The following PLXNA2 variants were observed in gnomAD, a reference collection of about 807,000 sequenced individuals.
The protein encoded by PLXNA2 is plexin A2.
PLXNA2 carries 91 observed loss-of-function variants against 193.5 expected under a neutral mutation model. The observed-to-expected ratio is 0.47, with a 90% CI of 0.40 to 0.56. The LOEUF is 0.56. PLXNA2 is among the 20% of genes least tolerant of loss of function. The probability of loss-of-function intolerance (pLI) is 0.00; values close to 1 mark genes in which losing one functional copy is unlikely to be tolerated. For missense variants in PLXNA2, 1,995 were observed against 2,503.2 expected (o/e 0.80, Z 4.33); for synonymous variants, 997 against 1,027.3 (o/e 0.97, Z 0.56).
intron 1 of PLXNA2, among the ~76,000 whole-genome samples, chr1:208,231,148 G>A (rs996629027): frequency 2.0e-5 from 3 of 152,108 alleles, no homozygotes; most frequent in African/African-American, 4.8e-5. Flanking sequence ...GGAGAGTGAC[G>A]GGCGCAGTTT....
intron 7 of PLXNA2, 76 bp downstream of exon 7, chr1:208,096,654 C>T: frequency 1.3e-6 from 2 of 1,526,812 alleles, no homozygotes; most frequent in Non-Finnish European, 8.9e-7. Flanking sequence ...GACTGTGTGC[C>T]TAGTTCTTGT....
At chr1:208,106,990 G>C (rs1667290099) in intron 4 of PLXNA2, among the ~76,000 whole-genome samples, 1 of 152,212 alleles carries the variant, frequency 6.6e-6, no homozygotes, top group Non-Finnish European at 1.5e-5. Context: ...GTGCAAGTCT[G>C]GATATGTGAG....
At chr1:208,067,781 A>G (rs564145419) in intron 12 of PLXNA2, among the ~76,000 whole-genome samples, 60 of 152,320 alleles carry the variant, frequency 3.9e-4, no homozygotes, top group Non-Finnish European at 7.2e-4. Flanking sequence ...CTAATGACAC[A>G]TTTGTCAGAA....
intron 1 of PLXNA2, among the ~76,000 whole-genome samples, chr1:208,225,512 G>T (rs1336924479): frequency 6.6e-6 from 1 of 152,138 alleles, no homozygotes; most frequent in East Asian, 1.9e-4. Flanking sequence ...GAGGTTTCAT[G>T]ATGCTAGCCA....
At position 208,159,563 on chromosome 1, in the gene PLXNA2, C is replaced by G. The variant is rs996566577; in HGVS notation, c.1372-17100G>C. On this transcript the variant is annotated intron_variant, in intron 3 of 31. Coordinates refer to ENST00000367033, the MANE Select transcript of PLXNA2 (RefSeq NM_025179.4). ...TTGGAGTCAGAGGAGACTGGGGACA[C>G]CAGCCATCCAAGGGGATTTAGGACT... 1.2e-4 allele frequency among the ~76,000 whole-genome samples: 19 copies of G among 152,332 alleles called. 1 individual carries two copies. Among genetic ancestry groups the G allele is most frequent in the Admixed American group, 1.2e-3 (18 of 15,302 alleles).
chr1:208,080,623 C>A (rs893828555), intron 11 of PLXNA2, among the ~76,000 whole-genome samples: 1 of 152,166 alleles, frequency 6.6e-6, no homozygotes, highest in Non-Finnish European at 1.5e-5. Flanking sequence ...TGTCCAGCAT[C>A]CTTTAGTCCC....
Position 208,028,905 on chromosome 1 carries a change from C to T in PLXNA2, c.5363G>A (p.Arg1788Gln), listed in dbSNP as rs374714348. Residue 1788 changes from arginine (R) to glutamine (Q), a missense_variant, in exon 30 of 32, where the codon CGG (arginine) becomes CAG (glutamine). Physicochemically the swap from Arg to Gln is conservative, Grantham distance 43. Transcript: ENST00000367033. This position sits in a 1 kb window ranked among gnomAD's most constrained non-coding sequence, Gnocchi z 4.2. ...FMDSCSTSEH[R>Q]LGKDSPSNKL... is the part of the protein sequence containing the mutation. Reference sequence around the variant, plus strand: ...GTTGGAGGGGGAGTCCTTGCCCAGCCGGTGCTCTGACGTTGAACAAGAGTC... The same window carrying T: ...GTTGGAGGGGGAGTCCTTGCCCAGCTGGTGCTCTGACGTTGAACAAGAGTC... The T allele has an allele frequency of 6.2e-6, 10 of 1,614,010 alleles. No individual in the cohort carries two copies. Among genetic ancestry groups the T allele is most frequent in the Admixed American group, 3.3e-5 (2 of 59,988 alleles).
At chr1:208,101,294 A>G (rs1481228150) in intron 5 of PLXNA2, among the ~76,000 whole-genome samples, 2 of 152,158 alleles carry the variant, frequency 1.3e-5, no homozygotes, top group African/African-American at 4.8e-5. Context: ...TCCATTAAAG[A>G]GGCCACCGTG....
At chr1:208,037,575 T>C (rs1474595280) in intron 26 of PLXNA2, among the ~76,000 whole-genome samples, 2 of 152,190 alleles carry the variant, frequency 1.3e-5, no homozygotes, top group African/African-American at 2.4e-5. Context: ...TTGGTGTCTC[T>C]TATTTCCAGT....
chr1:208,089,986 T>C (rs1666657311), intron 9 of PLXNA2, among the ~76,000 whole-genome samples: 1 of 152,106 alleles, frequency 6.6e-6, no homozygotes. Flanking sequence ...AAGCAGAACT[T>C]TGGACAGAAA....
intron 27 of PLXNA2, among the ~76,000 whole-genome samples, 197 bp from the exon 28 acceptor site, chr1:208,033,706 G>T (rs1036568517): frequency 2.6e-5 from 4 of 152,188 alleles, no homozygotes; most frequent in African/African-American, 7.2e-5. Flanking sequence ...GAGCTTGAAG[G>T]CTTTTTTAGA....
intron 7 of PLXNA2, 43 bp from the exon 8 acceptor site, chr1:208,096,168 G>A (rs370924925): frequency 3.4e-6 from 5 of 1,455,682 alleles, no homozygotes; most frequent in Non-Finnish European, 4.8e-6. Context: ...GTAACAACGT[G>A]GGGGACCCAG....
At chr1:208,191,220 G>A (rs993992041) in intron 3 of PLXNA2, among the ~76,000 whole-genome samples, 2 of 152,128 alleles carry the variant, frequency 1.3e-5, no homozygotes, top group Admixed American at 6.5e-5. Flanking sequence ...TGCCTCACGC[G>A]GAAACACAGC....
At chr1:208,059,760 A>T (rs1665557288) in intron 13 of PLXNA2, among the ~76,000 whole-genome samples, 1 of 152,236 alleles carries the variant, frequency 6.6e-6, no homozygotes, top group African/African-American at 2.4e-5. Flanking sequence ...TTACCAATTA[A>T]AAATGAGATA....
chr1:208,131,553 C>G (rs1202255852), intron 4 of PLXNA2, among the ~76,000 whole-genome samples: 1 of 152,110 alleles, frequency 6.6e-6, no homozygotes, highest in Non-Finnish European at 1.5e-5. Flanking sequence ...TTCCGGGGCC[C>G]CCTGTGTCTG....
intron 1 of PLXNA2, among the ~76,000 whole-genome samples, chr1:208,231,524 G>A (rs914743655): frequency 1.3e-5 from 2 of 152,178 alleles, no homozygotes; most frequent in Non-Finnish European, 2.9e-5. Flanking sequence ...GAGCACGTCT[G>A]TCTGCTCTCC....
At chr1:208,195,653 G>GTTC (rs1670333688) in intron 3 of PLXNA2, among the ~76,000 whole-genome samples, 1 of 108,068 alleles carries the variant, frequency 9.3e-6, no homozygotes, top group Non-Finnish European at 2.2e-5. Flanking sequence ...ATGTTTTTTG[G>GTTC]GGGGGGGGGT....
rs996632679 is a variant in PLXNA2, at chr1:208,039,864, G to T, written c.4354-97C>A. 4 of 1,592,366 alleles carry T rather than the reference G, an allele frequency of 2.5e-6. No homozygotes were observed. The African/African-American group carries it at 5.4e-5, about 21-fold the overall frequency. ...CGGAGCGAGGCCAGTGGAAGGAAGG[G>T]CTTTAGCACAGCCAGTCCAGGTTCC... On this transcript the variant is annotated intron_variant, in intron 23 of 31. Coordinates refer to ENST00000367033, the MANE Select transcript of PLXNA2 (RefSeq NM_025179.4).
rs143711247 is a variant in PLXNA2, at chr1:208,079,321, G to T, written c.2525C>A (p.Ser842Tyr). The change falls in exon 12 of 32, where the codon TCC (serine) becomes TAC (tyrosine). Residue 842 changes from serine (S) to tyrosine (Y), a missense_variant. This residue lies in a region of PLXNA2 where 1,291 missense variants were observed against 1,673.6 expected (regional missense o/e 0.77). Coordinates refer to ENST00000367033, the MANE Select transcript of PLXNA2 (RefSeq NM_025179.4). ...GCTGGACCAGTCGAGCCAGGGGCTG[G>T]AAGGGCTGGTACAGTGCTGGTGGAG... ...CTLHQHCTSP[S>Y]SPWLDWSSHN... is the part of the protein sequence containing the mutation. The T allele has an allele frequency of 5.9e-5, 95 of 1,613,424 alleles. No individual in the cohort carries two copies. Among genetic ancestry groups the T allele is most frequent in the Non-Finnish European group, 7.8e-5 (92 of 1,179,490 alleles).
Sources: gnomAD v4.1 joint callset for allele counts (sites outside exome capture counted in the v4.1 genomes callset) on GRCh38, gnomAD v4.1.1 for gene constraint, gnomAD v4.1.1 regional missense constraint, Gnocchi (gnomAD v3.1) non-coding constraint, MANE v1.5 for transcripts, NCBI Gene and HGNC (gene_info 2026-07-23, HGNC 2026-07-21) for gene names.